TTN: variants seen among roughly 807,000 people sequenced by gnomAD.
TTN encodes connectin.
TTN carries 1,525 observed loss-of-function variants against 3,223.0 expected under a neutral mutation model. That is an observed-to-expected ratio of 0.47 (90% confidence interval 0.45 to 0.49). The LOEUF (loss-of-function observed/expected upper bound fraction) is 0.49, where lower values mean the gene tolerates loss of function less well. TTN is among the 20% of genes least tolerant of loss of function. The probability of loss-of-function intolerance (pLI) is 0.00; values close to 1 mark genes in which losing one functional copy is unlikely to be tolerated. For missense variants in TTN, 40,786 were observed against 43,424.0 expected (o/e 0.94, Z 5.40); for synonymous variants, 14,094 against 15,161.0 (o/e 0.93, Z 5.17).
At chr2:178,676,024 T>C in intron 147 of TTN, 29 bp from the exon 148 acceptor site, 1 of 1,566,320 alleles carries the variant, frequency 6.4e-7, no homozygotes, top group South Asian at 1.2e-5. Context: ...ATGATAAGGA[T>C]TTATTTTGAA....
chr2:178,714,469 A>C lies in TTN; in HGVS notation c.26305T>G (p.Trp8769Gly), dbSNP rs779847107. Residue 8769 changes from tryptophan to glycine, a missense_variant, in exon 91 of 363, where the codon TGG becomes GGG. By Grantham distance (184) the Trp-to-Gly change is radical (BLOSUM62 -2). Coordinates refer to ENST00000589042, the MANE Select transcript of TTN (RefSeq NM_001267550.2). The part of the protein sequence containing the change: ...IEGAEPISVV[W>G]FKDKGEIVRE... ...ACGATTTCTCCCTTATCTTTGAACC[A>C]CACCACTGAAATGGGTTCAGCGCCT... 4.3e-6 allele frequency: 7 copies of C among 1,613,600 alleles called. No homozygotes were observed. The highest frequency in any genetic ancestry group is 5.9e-6 in the Non-Finnish European group (7 of 1,179,680).
In TTN at chr2:178,624,462, T is replaced by A; in HGVS notation, c.44815+3A>T. 6.2e-7 allele frequency: 1 copy of A among 1,612,110 alleles called. No homozygotes were observed. Among genetic ancestry groups the A allele is most frequent in the Non-Finnish European group, 8.5e-7 (1 of 1,178,844 alleles). On this transcript the variant is annotated splice_donor_region_variant and intron_variant, in intron 242 of 362. Transcript: ENST00000589042. ...AAAAGTCCTTTGTAAGAAGAATACT[T>A]ACGCACGACATTCAGGTTACAGGAA...
At position 178,581,749 on chromosome 2, in the gene TTN, C is replaced by T. The variant is rs2154177572; in HGVS notation, c.66519G>A (p.Val22173=). The change falls in exon 316 of 363, where the codon GTG becomes GTA. Residue 22173 remains valine (V), a synonymous_variant. Transcript: ENST00000589042. The part of the protein sequence containing the change: ...PKVYDTTRSS[V]SLSWGKPAYD... ...AGGCTGGCTTGCCCCAAGATAGACT[C>T]ACAGAGCTGCGAGTTGTATCATATA... 1 of 1,607,298 alleles carries T rather than the reference C, an allele frequency of 6.2e-7. No homozygotes were observed. The highest frequency in any genetic ancestry group is 1.7e-5 in the Admixed American group (1 of 59,052).
intron 254 of TTN, 30 bp from the exon 255 acceptor site, chr2:178,617,264 A>C: frequency 6.5e-7 from 1 of 1,538,442 alleles, no homozygotes; most frequent in East Asian, 2.4e-5. Context: ...TTTGTAAAAA[A>C]CACATACAGT....
At chr2:178,627,850 G>T (rs898883331) in intron 240 of TTN, among the ~76,000 whole-genome samples, 2 of 151,998 alleles carry the variant, frequency 1.3e-5, no homozygotes, top group African/African-American at 4.8e-5. Flanking sequence ...TATAAATCAT[G>T]AATTTGCAGA....
Position 178,584,366 on chromosome 2 carries a change from C to T in TTN, c.65185G>A (p.Glu21729Lys), listed in dbSNP as rs375439506. 4.3e-6 allele frequency: 7 copies of T among 1,613,172 alleles called. 1 individual carries two copies. The highest frequency in any genetic ancestry group is 1.6e-4 in the Middle Eastern group (1 of 6,076). Residue 21729 changes from glutamate (E) to lysine (K), a missense_variant, in exon 311 of 363, where the codon GAG (glutamate) becomes AAG (lysine). Transcript: ENST00000589042. ...AGGGCATAGATTCTGAATGAATACT[C>T]AAGACCTTCTACAAGGCCAGCACAA... ...YPCAGLVEGL[E>K]YSFRIYALNK...
rs372229450 is a variant in TTN at position 178,714,394 on chromosome 2, A to T, written c.26380T>A (p.Leu8794Ile). The T allele has an allele frequency of 3.1e-6, 5 of 1,613,628 alleles. No individual in the cohort carries two copies. Among genetic ancestry groups the T allele is most frequent in the Non-Finnish European group, 4.2e-6 (5 of 1,179,750 alleles). Reference protein sequence around the residue: ...WISYSENIATLQFSRVEPANA... With the variant: ...WISYSENIATIQFSRVEPANA... ...GCTGGTTCCACTCTTGAAAACTGTA[A>T]GGTTGCAATGTTTTCTGAATAAGAA... The change falls in exon 91 of 363, where the codon TTA becomes ATA. Residue 8794 changes from leucine (L) to isoleucine (I), a missense_variant. Coordinates refer to ENST00000589042, the MANE Select transcript of TTN (RefSeq NM_001267550.2).
In TTN at chr2:178,784,174, T is replaced by C. The variant is rs543929977; in HGVS notation, c.2671A>G (p.Lys891Glu). Residue 891 changes from lysine to glutamate, a missense_variant, in exon 16 of 363, where the codon AAG becomes GAG. By Grantham distance (56) the Lys-to-Glu change is moderately conservative. Transcript: ENST00000589042. ...FPFADTPDTY[K>E]SEAGVEVKKE... is the part of the protein sequence containing the mutation. ...TTCACCTCAACGCCAGCTTCACTCT[T>C]GTAAGTATCTGGTGTGTCAGCGAAG... 3 of 1,614,142 alleles carry C rather than the reference T, an allele frequency of 1.9e-6. No individual in the cohort carries two copies. The highest frequency in any genetic ancestry group is 1.3e-5 in the African/African-American group (1 of 75,056).
chr2:178,713,758 T>TA, intron 92 of TTN, 139 bp downstream of exon 92: 1 of 1,076,398 alleles, frequency 9.3e-7, no homozygotes, highest in Non-Finnish European at 1.3e-6. Context: ...CTACAGATGG[T>TA]ATTGCCTCTG....
chr2:178,701,112 TATA>T lies in TTN; in HGVS notation c.30682+5_30682+7del, dbSNP rs748356490. On this transcript the variant is annotated splice_donor_5th_base_variant and intron_variant, in intron 111 of 362. Transcript: ENST00000589042. ...TATTTCGACATCTAGGTAGATGAGG[TATA>T]ATACCTTCAATACGTTTTGGTGGTG... 6.8e-6 allele frequency: 11 copies of T among 1,613,028 alleles called. No individual in the cohort carries two copies. Among genetic ancestry groups the T allele is most frequent in the African/African-American group, 2.7e-5 (2 of 74,918 alleles).
In TTN at chr2:178,699,046, A is replaced by G. The variant is rs1366180189; in HGVS notation, c.30683-132T>C. On this transcript the variant is annotated intron_variant, in intron 111 of 362. Coordinates refer to ENST00000589042, the MANE Select transcript of TTN (RefSeq NM_001267550.2). The stretch of plus-strand genomic sequence containing the variant: ...TGTTGATAGTAGCGAGATTCTGCAT[A>G]TTACTACAAGATATTTGTTTTGGAA... The G allele has an allele frequency of 7.3e-6, 7 of 956,916 alleles. 1 individual carries two copies. The highest frequency in any genetic ancestry group is 1.7e-5 in the African/African-American group (1 of 60,114). The allele number at this position is 956,916 out of a possible 1,614,324, so 59.3% of individuals were successfully genotyped here. A position where few individuals can be genotyped will look rare whatever the true frequency, so the allele number is the denominator to read the frequency against.
rs968766554 is a variant in TTN at position 178,739,193 on chromosome 2, C to T, written c.14040G>A (p.Leu4680=). Residue 4680 remains leucine, a synonymous_variant, in exon 48 of 363, where the codon TTG becomes TTA. Coordinates refer to ENST00000589042, the MANE Select transcript of TTN (RefSeq NM_001267550.2). The stretch of plus-strand genomic sequence containing the variant: ...AAGTTGCTGTTTTTCCGCTGTCATT[C>T]AAGGCCTCACAGACATACTCTCCTT... ...DHQGEYVCEA[L]NDSGKTATSA... The T allele has an allele frequency of 1.3e-6, 2 of 1,526,012 alleles. No individual in the cohort carries two copies. Among genetic ancestry groups the T allele is most frequent in the Admixed American group, 4.2e-5 (2 of 47,702 alleles). The allele number at this position is 1,526,012 out of a possible 1,614,324, so 94.5% of individuals were successfully genotyped here. A position where few individuals can be genotyped will look rare whatever the true frequency, so the allele number is the denominator to read the frequency against.
chr2:178,731,279 A>T (rs750708629), intron 59 of TTN, 26 bp downstream of exon 59: 4 of 1,611,786 alleles, frequency 2.5e-6, no homozygotes, highest in Non-Finnish European at 2.5e-6. Context: ...TCTTCCTCAA[A>T]CCCAAGGCAA....
Position 178,775,667 on chromosome 2 carries a change from G to A in TTN, c.6197C>T (p.Pro2066Leu). 1.2e-6 allele frequency: 2 copies of A among 1,614,068 alleles called. No individual in the cohort carries two copies. Among genetic ancestry groups the A allele is most frequent in the Non-Finnish European group, 1.7e-6 (2 of 1,180,000 alleles). ...ACTAGGACTTAGTTCAATCTTGTCA[G>A]GTTTAAAAGTTGGAATCGTGATTTT... ...EGKITIPTFKPDKIELSPSME... is the reference protein window; with the variant it reads ...EGKITIPTFKLDKIELSPSME... The change falls in exon 28 of 363, where the codon CCT (proline) becomes CTT (leucine). Residue 2066 changes from proline to leucine, a missense_variant. Coordinates refer to ENST00000589042, the MANE Select transcript of TTN (RefSeq NM_001267550.2).
chr2:178,784,932 T>C (rs2093056967), intron 15 of TTN, among the ~76,000 whole-genome samples: 1 of 152,240 alleles, frequency 6.6e-6, no homozygotes, highest in African/African-American at 2.4e-5. Context: ...TTACAGTTCT[T>C]TGAAGGCATA....
rs765491064 is a variant in TTN, at chr2:178,730,205, G to C, written c.18195C>G (p.Thr6065=). 5.0e-6 allele frequency: 8 copies of C among 1,613,456 alleles called. No individual in the cohort carries two copies. The highest frequency in any genetic ancestry group is 6.8e-6 in the Non-Finnish European group (8 of 1,179,662). The stretch of plus-strand genomic sequence containing the variant: ...CTGCAAAGAGCTCTAGACTGGTAGA[G>C]GTGTCATCCTTCCAAACTGAGCGGG... ...GAARSVWKDD[T]STSLELFAAK... The change falls in exon 62 of 363, where the codon ACC becomes ACG. Residue 6065 remains threonine (T), a synonymous_variant. Coordinates refer to ENST00000589042, the MANE Select transcript of TTN (RefSeq NM_001267550.2).
Position 178,698,848 on chromosome 2 carries a change from C to A in TTN, c.30749G>T (p.Arg10250Leu). 3 of 1,544,168 alleles carry A rather than the reference C, an allele frequency of 1.9e-6. No individual in the cohort carries two copies. The highest frequency in any genetic ancestry group is 1.2e-5 in the South Asian group (1 of 81,894). Reference sequence around the variant, plus strand: ...TTTTTGATTAATTATAATACCTTCACGTGGTGTCATCTCTTTGGGCTTTGC... The same window carrying A: ...TTTTTGATTAATTATAATACCTTCAAGTGGTGTCATCTCTTTGGGCTTTGC... ...VVAKPKEMTP[R>L]EEIVKKPPPP... Residue 10250 changes from arginine (R) to leucine (L), a missense_variant, in exon 112 of 363, where the codon CGT (arginine) becomes CTT (leucine). Physicochemically the swap from Arg to Leu is moderately radical, Grantham distance 102. Transcript: ENST00000589042.
At position 178,681,137 on chromosome 2, in the gene TTN, T is replaced by A; in HGVS notation, c.33282A>T (p.Lys11094Asn). ...PEEPKKVFEE[K>N]IRISITKREK... ...CACGTTTGGTAATTGAAATACGTAT[T>A]TTTTCCTCAAAAACTTTCTTTGGTT... Residue 11094 changes from lysine (K) to asparagine (N), a missense_variant, in exon 138 of 363, where the codon AAA becomes AAT. Coordinates refer to ENST00000589042, the MANE Select transcript of TTN (RefSeq NM_001267550.2). 1.2e-6 allele frequency: 2 copies of A among 1,603,772 alleles called. No individual in the cohort carries two copies. Among genetic ancestry groups the A allele is most frequent in the Non-Finnish European group, 1.7e-6 (2 of 1,176,896 alleles).
intron 33 of TTN, 98 bp from the exon 34 acceptor site, chr2:178,771,569 A>G: frequency 6.6e-7 from 1 of 1,525,256 alleles, no homozygotes; most frequent in Admixed American, 1.7e-5. Flanking sequence ...ATTTAAGAAC[A>G]TGATTTTGAA....
Sources: allele counts gnomAD v4.1 joint callset (sites outside exome capture counted in the v4.1 genomes callset), GRCh38; gene constraint gnomAD v4.1.1; transcripts MANE v1.5; gene names NCBI Gene and HGNC (gene_info 2026-07-23, HGNC 2026-07-21).